DPYD: variants seen among roughly 807,000 people sequenced by gnomAD.
DPYD encodes the protein dihydropyrimidine dehydrogenase, also known as dihydropyrimidine dehydrogenase [NADP(+)].
Under a neutral mutation model 116.2 loss-of-function variants are expected in DPYD, and 109 were observed. The ratio of observed to expected loss-of-function variants is 0.94; its 90% CI spans 0.80 to 1.10. DPYD has a LOEUF of 1.10. Among genes scored for constraint, DPYD ranks in the 50% least tolerant of loss-of-function variants. DPYD has a pLI of 0.00. For synonymous variants in DPYD, 440 were observed against 432.0 expected (o/e 1.02, Z -0.23); for missense variants, 1,302 against 1,254.5 (o/e 1.04, Z -0.57).
chr1:97,765,389 T>C (rs949148298), intron 3 of DPYD, among the ~76,000 whole-genome samples: 13 of 152,150 alleles, frequency 8.5e-5, no homozygotes, highest in African/African-American at 3.1e-4. Context: ...CCATCAGCCA[T>C]TACTCTGAGG....
At chr1:97,116,786 A>G (rs1651998757) in intron 20 of DPYD, among the ~76,000 whole-genome samples, 1 of 152,008 alleles carries the variant, frequency 6.6e-6, no homozygotes, top group Non-Finnish European at 1.5e-5. Context: ...TTTGTACACA[A>G]TCTCCTTTCT....
intron 13 of DPYD, among the ~76,000 whole-genome samples, chr1:97,455,532 T>C (rs1570760680): frequency 6.6e-6 from 1 of 151,906 alleles, no homozygotes; most frequent in East Asian, 1.9e-4. Flanking sequence ...ATACATTATT[T>C]CACAAAAGAG....
At chr1:97,898,509 G>C (rs1673194795) in intron 1 of DPYD, among the ~76,000 whole-genome samples, 1 of 151,814 alleles carries the variant, frequency 6.6e-6, no homozygotes, top group Non-Finnish European at 1.5e-5. Context: ...TGTTTCTCAG[G>C]GAACACTGTA....
intron 2 of DPYD, among the ~76,000 whole-genome samples, chr1:97,851,663 G>A (rs896852550): frequency 6.6e-6 from 1 of 150,864 alleles, no homozygotes. Flanking sequence ...GCAAATACCA[G>A]GCCAACTTTT....
chr1:97,826,058 T>C (rs1178179454), intron 3 of DPYD, among the ~76,000 whole-genome samples: 8 of 152,186 alleles, frequency 5.3e-5, no homozygotes, highest in Non-Finnish European at 5.9e-5. Flanking sequence ...GTAAAATGTA[T>C]AACTTAAGCA....
intron 14 of DPYD, among the ~76,000 whole-genome samples, chr1:97,408,100 A>G (rs1673779883): frequency 6.6e-6 from 1 of 152,150 alleles, no homozygotes; most frequent in African/African-American, 2.4e-5. Context: ...GATTAACGTC[A>G]ATGGGAAACT....
chr1:97,339,634 T>G (rs1669494868), intron 16 of DPYD, among the ~76,000 whole-genome samples: 1 of 152,160 alleles, frequency 6.6e-6, no homozygotes, highest in South Asian at 2.1e-4. Flanking sequence ...CTCAAGGAAG[T>G]ACTCCCAATC....
intron 15 of DPYD, among the ~76,000 whole-genome samples, chr1:97,376,883 G>A (rs1396501991): frequency 8.1e-5 from 8 of 99,206 alleles, no homozygotes. Context: ...GTGTGTGTGT[G>A]TGTGTATATA....
At chr1:97,702,953 G>T (rs116497028) in intron 5 of DPYD, among the ~76,000 whole-genome samples, 2,014 of 151,994 alleles carry the variant, frequency 0.013, 21 homozygotes, top group Middle Eastern at 0.024. Flanking sequence ...TTGAAGAAAT[G>T]AAAGCAAGCA....
intron 6 of DPYD, among the ~76,000 whole-genome samples, chr1:97,693,515 C>T (rs1661142668): frequency 6.6e-6 from 1 of 152,002 alleles, no homozygotes; most frequent in Admixed American, 6.5e-5. Context: ...ATGCTCTGGG[C>T]ACCAAGAAGG....
At chr1:97,393,968 T>C (rs1049961685) in intron 14 of DPYD, among the ~76,000 whole-genome samples, 1 of 152,164 alleles carries the variant, frequency 6.6e-6, no homozygotes, top group African/African-American at 2.4e-5. Context: ...TTCCTGACTT[T>C]TTAATGATGG....
chr1:97,211,248 T>C (rs1244221696), intron 19 of DPYD, among the ~76,000 whole-genome samples: 3 of 152,110 alleles, frequency 2.0e-5, no homozygotes, highest in African/African-American at 7.2e-5. Context: ...CTCCATACTT[T>C]CCCATAGCTG....
At chr1:97,329,663 G>T (rs755250947) in intron 16 of DPYD, among the ~76,000 whole-genome samples, 28 of 150,092 alleles carry the variant, frequency 1.9e-4, no homozygotes, top group Non-Finnish European at 3.1e-4. Context: ...TGATGCAAGA[G>T]AATCTCTTGA....
intron 13 of DPYD, among the ~76,000 whole-genome samples, chr1:97,484,443 A>G (rs983872429): frequency 2.6e-5 from 4 of 152,168 alleles, no homozygotes; most frequent in African/African-American, 9.7e-5. Flanking sequence ...ATTTTCTAGG[A>G]TCTTCCTAAA....
At chr1:97,146,441 T>C (rs555404410) in intron 20 of DPYD, among the ~76,000 whole-genome samples, 3 of 152,294 alleles carry the variant, frequency 2.0e-5, no homozygotes, top group South Asian at 2.1e-4. Flanking sequence ...TTGGCAAATG[T>C]AAAGGAAGCA....
At chr1:97,416,394 C>T (rs554970144) in intron 14 of DPYD, among the ~76,000 whole-genome samples, 60 of 152,138 alleles carry the variant, frequency 3.9e-4, no homozygotes, top group Non-Finnish European at 8.1e-4. Flanking sequence ...GGTGCTATAT[C>T]CTTCCAGAAT....
chr1:97,764,023 A>C (rs1417582694), intron 3 of DPYD, among the ~76,000 whole-genome samples: 2 of 152,120 alleles, frequency 1.3e-5, no homozygotes, highest in Non-Finnish European at 2.9e-5. Flanking sequence ...CTGTATTCAA[A>C]AAATAATAAC....
At chr1:97,745,452 C>A (rs1664497005) in intron 3 of DPYD, among the ~76,000 whole-genome samples, 1 of 152,070 alleles carries the variant, frequency 6.6e-6, no homozygotes, top group Non-Finnish European at 1.5e-5. Flanking sequence ...GAACACAATT[C>A]ACACAACTGA....
chr1:97,820,037 A>T (rs541961035), intron 3 of DPYD, among the ~76,000 whole-genome samples: 1 of 152,212 alleles, frequency 6.6e-6, no homozygotes, highest in East Asian at 1.9e-4. Flanking sequence ...GAGGAACAAA[A>T]TTACTCGGTT....
Sources: allele counts gnomAD v4.1 joint callset (sites outside exome capture counted in the v4.1 genomes callset), GRCh38; gene constraint gnomAD v4.1.1; transcripts MANE v1.5; gene names NCBI Gene and HGNC (gene_info 2026-07-23, HGNC 2026-07-21).